The following STXBP6 variants were observed in gnomAD, a reference collection of about 807,000 sequenced individuals.
The protein encoded by STXBP6 is syntaxin binding protein 6.
Under a neutral mutation model 26.9 loss-of-function variants are expected in STXBP6, and 21 were observed. The ratio of observed to expected loss-of-function variants is 0.78; its 90% CI spans 0.55 to 1.12. The LOEUF (loss-of-function observed/expected upper bound fraction) is 1.12, where lower values mean the gene tolerates loss of function less well. STXBP6 is among the 50% of genes most tolerant of loss of function. STXBP6 has a pLI of 0.00. For synonymous variants in STXBP6, 97 were observed against 92.6 expected, an observed-to-expected ratio of 1.05 and a Z score of -0.27; for missense variants, 232 against 257.9, an observed-to-expected ratio of 0.90 and a Z score of 0.69.
chr14:24,994,772 G>A (rs2074558010), intron 1 of STXBP6: 1 of 152,256 alleles, frequency 6.6e-6, no homozygotes. Flanking sequence ...ACTTTGGGAG[G>A]CTGAGGCGGG....
chr14:24,957,123 A>C (rs2140097665), intron 2 of STXBP6, among the ~76,000 whole-genome samples: 1 of 152,268 alleles, frequency 6.6e-6, no homozygotes, highest in East Asian at 1.9e-4. Flanking sequence ...ATAAGGTATG[A>C]GTTGTCCCCA....
chr14:25,005,857 G>A (rs1318184619), intron 1 of STXBP6, among the ~76,000 whole-genome samples: 1 of 151,534 alleles, frequency 6.6e-6, no homozygotes, highest in South Asian at 2.1e-4. Flanking sequence ...ATGTAAAAAT[G>A]TATATTACAG....
chr14:25,043,325 G>A lies in STXBP6; in HGVS notation c.-33+6553C>T, dbSNP rs151325282. ...ACGAATAATCCAGATATTTTTTCCC[G>A]ATAGCAGAAAATTTAACCTGAAACT... On this transcript the variant is annotated intron_variant, in intron 1 of 5. Coordinates refer to ENST00000323944, the MANE Select transcript of STXBP6 (RefSeq NM_001394410.1). Among the ~76,000 whole-genome samples, 638 of 152,044 alleles carry A rather than the reference G, an allele frequency of 4.2e-3. 4 individuals carry two copies. Among genetic ancestry groups the A allele is most frequent in the African/African-American group, 0.014 (578 of 41,498 alleles).
chr14:25,021,713 C>T (rs752665729), intron 1 of STXBP6, among the ~76,000 whole-genome samples: 19 of 152,204 alleles, frequency 1.2e-4, no homozygotes, highest in Non-Finnish European at 2.4e-4. Flanking sequence ...CTTCTCCTTA[C>T]AGACTTGTCC....
intron 4 of STXBP6, among the ~76,000 whole-genome samples, chr14:24,854,238 G>C (rs994118740): frequency 6.6e-6 from 1 of 152,046 alleles, no homozygotes; most frequent in African/African-American, 2.4e-5. Flanking sequence ...GAATGAAGGA[G>C]GTAGCTCGTT....
intron 2 of STXBP6, among the ~76,000 whole-genome samples, chr14:24,861,743 G>T (rs1452299398): frequency 1.3e-5 from 2 of 152,182 alleles, no homozygotes; most frequent in East Asian, 3.9e-4. Flanking sequence ...TCTCCACACA[G>T]GATTGATCTT....
chr14:25,013,465 T>TAC (rs2075076618), intron 1 of STXBP6, among the ~76,000 whole-genome samples: 12 of 100,018 alleles, frequency 1.2e-4, no homozygotes, highest in African/African-American at 4.6e-4. Context: ...ACATCTCTCT[T>TAC]TCACACACAC....
intron 1 of STXBP6, among the ~76,000 whole-genome samples, chr14:25,032,671 C>G (rs1261573280): frequency 6.6e-6 from 1 of 152,186 alleles, no homozygotes; most frequent in East Asian, 1.9e-4. Context: ...AACATAAGAA[C>G]AGATTTCACA....
At chr14:24,926,838 T>C (rs1173641489) in intron 2 of STXBP6, among the ~76,000 whole-genome samples, 1 of 152,074 alleles carries the variant, frequency 6.6e-6, no homozygotes, top group East Asian at 1.9e-4. Context: ...TACTGTGGCA[T>C]AGAGGTGTTG....
intron 2 of STXBP6, among the ~76,000 whole-genome samples, chr14:24,937,703 T>C (rs1024614606): frequency 5.3e-5 from 8 of 152,238 alleles, no homozygotes; most frequent in Non-Finnish European, 8.8e-5. Flanking sequence ...TAAACATGTA[T>C]ATACAGCAAC....
intron 2 of STXBP6, among the ~76,000 whole-genome samples, chr14:24,865,839 T>C (rs1392880826): frequency 6.6e-6 from 1 of 152,074 alleles, no homozygotes; most frequent in Admixed American, 6.6e-5. Context: ...AGTAGCAAAA[T>C]TTGGGATGGG....
At chr14:24,968,447 C>A (rs1238751760) in intron 2 of STXBP6, among the ~76,000 whole-genome samples, 1 of 151,956 alleles carries the variant, frequency 6.6e-6, no homozygotes, top group African/African-American at 2.4e-5. Flanking sequence ...TTCTACTTTT[C>A]TAATTCAGAA....
At chr14:24,941,258 T>C (rs2072792716) in intron 2 of STXBP6, among the ~76,000 whole-genome samples, 1 of 152,000 alleles carries the variant, frequency 6.6e-6, no homozygotes, top group African/African-American at 2.4e-5. Flanking sequence ...AGTCCTACCA[T>C]CTAGTGGGAG....
intron 1 of STXBP6, among the ~76,000 whole-genome samples, chr14:25,010,062 C>A (rs1407257758): frequency 1.3e-5 from 2 of 152,184 alleles, no homozygotes; most frequent in Non-Finnish European, 2.9e-5. Flanking sequence ...TTCGGACACA[C>A]CCTCATTCCT....
At chr14:24,828,167 C>G (rs1432799139) in intron 4 of STXBP6, among the ~76,000 whole-genome samples, 1 of 151,926 alleles carries the variant, frequency 6.6e-6, no homozygotes, top group Non-Finnish European at 1.5e-5. Flanking sequence ...GCAAGGAAAA[C>G]TCAAATAGGC....
chr14:24,876,300 G>T (rs2070142097), intron 2 of STXBP6, among the ~76,000 whole-genome samples: 1 of 152,178 alleles, frequency 6.6e-6, no homozygotes, highest in Non-Finnish European at 1.5e-5. Flanking sequence ...TCCTGGCCAA[G>T]AATTCTGGAT....
At chr14:24,927,206 G>A (rs1175084287) in intron 2 of STXBP6, among the ~76,000 whole-genome samples, 5 of 152,170 alleles carry the variant, frequency 3.3e-5, no homozygotes, top group Non-Finnish European at 1.5e-5. Context: ...GGACTGATGC[G>A]TTGTGAGAGA....
rs113169902 is a variant in STXBP6 at position 24,920,928 on chromosome 14, G to C, written c.154+53737C>G. ...TAGTAGCACATGCTATGACCACTGA[G>C]ATAATGCAACCCAAGATCTAGAAAT... On this transcript the variant is annotated intron_variant, in intron 2 of 5. Coordinates refer to ENST00000323944, the MANE Select transcript of STXBP6 (RefSeq NM_001394410.1). Among the ~76,000 whole-genome samples, 309 of 152,222 alleles carry C rather than the reference G, an allele frequency of 2.0e-3. 3 individuals are homozygous for C. The highest frequency in any genetic ancestry group is 7.0e-3 in the African/African-American group (289 of 41,552).
chr14:24,884,510 TAAACAAAC>T (rs775713331), intron 2 of STXBP6, among the ~76,000 whole-genome samples: 1 of 152,068 alleles, frequency 6.6e-6, no homozygotes, highest in African/African-American at 2.4e-5. Context: ...CCAAAAGCAA[TAAACAAAC>T]AAACAAACAA....
Sources: allele counts gnomAD v4.1 joint callset (sites outside exome capture counted in the v4.1 genomes callset), GRCh38; gene constraint gnomAD v4.1.1; transcripts MANE v1.5; gene names NCBI Gene and HGNC (gene_info 2026-07-23, HGNC 2026-07-21).